The following GIT2 variants were observed in gnomAD, a reference collection of about 807,000 sequenced individuals.
GIT2 encodes the protein ARF GTPase-activating protein GIT2.
A neutral mutation model predicts 100.3 loss-of-function variants in GIT2; 32 were observed. The observed-to-expected ratio is 0.32, with a 90% CI of 0.24 to 0.43. The LOEUF is 0.43. Ranked by LOEUF, GIT2 falls within the 20% of genes least tolerant of loss-of-function variation. The pLI, the probability that GIT2 is intolerant of heterozygous loss-of-function variation, is 1.00. For synonymous variants in GIT2, 353 were observed against 364.1 expected (o/e 0.97, Z 0.35); for missense variants, 737 against 975.1 (o/e 0.76, Z 3.25).
chr12:109,934,416 T>C lies in GIT2; in HGVS notation c.2004-331A>G, dbSNP rs1208569819. Reference sequence around the variant, plus strand: ...TCATGTGTTTCATCGTCCCAATTTCTAGAAAGAGAAAGGATTTCCATGCAA... The same window carrying C: ...TCATGTGTTTCATCGTCCCAATTTCCAGAAAGAGAAAGGATTTCCATGCAA... On this transcript the variant is annotated intron_variant, in intron 18 of 19. Coordinates refer to ENST00000355312, the MANE Select transcript of GIT2 (RefSeq NM_057169.5). This position sits in a 1 kb window ranked among gnomAD's most constrained non-coding sequence, Gnocchi z 4.5. Among the ~76,000 whole-genome samples, 2 of 152,114 alleles carry C rather than the reference T, an allele frequency of 1.3e-5. No individual in the cohort carries two copies. Among genetic ancestry groups the C allele is most frequent in the Non-Finnish European group, 2.9e-5 (2 of 68,022 alleles).
intron 7 of GIT2, among the ~76,000 whole-genome samples, chr12:109,976,105 T>TACAC (rs145928011): frequency 1.0e-3 from 151 of 149,132 alleles, no homozygotes; most frequent in African/African-American, 3.3e-3. Flanking sequence ...GAAATTACTA[T>TACAC]ACACACACAC....
chr12:109,931,239 T>C lies in GIT2; in HGVS notation c.*1739A>G, dbSNP rs1395188011. The C allele has an allele frequency of 5.2e-5, 8 of 152,416 alleles. No individual in the cohort carries two copies. Among genetic ancestry groups the C allele is most frequent in the Admixed American group, 5.2e-4 (8 of 15,314 alleles). The allele number at this position is 152,416 out of a possible 1,614,324, so 9.4% of individuals were successfully genotyped here. ...TGTCTTCTTCACATGTGTGAATGACTGCTATGGGACAGAACATATGGTTAA... is the reference window on the plus strand; with the variant it reads ...TGTCTTCTTCACATGTGTGAATGACCGCTATGGGACAGAACATATGGTTAA... On this transcript the variant is annotated 3_prime_UTR_variant, in exon 20 of 20. Transcript: ENST00000355312.
At chr12:109,996,892 C>T (rs1202016285), upstream of GIT2, among the ~76,000 whole-genome samples, 2 of 151,916 alleles carry the variant, frequency 1.3e-5, no homozygotes, top group African/African-American at 2.4e-5. Flanking sequence ...GCCTGGGCAA[C>T]ATGGTGAAAC....
chr12:109,967,141 T>C (rs1288911189), intron 8 of GIT2, among the ~76,000 whole-genome samples: 1 of 151,272 alleles, frequency 6.6e-6, no homozygotes, highest in Non-Finnish European at 1.5e-5. Flanking sequence ...TGCCAACCCC[T>C]GTCATAGATA....
At position 109,934,770 on chromosome 12, in the gene GIT2, A is replaced by G. The variant is rs956381770; in HGVS notation, c.2004-685T>C. Among the ~76,000 whole-genome samples the G allele has an allele frequency of 5.9e-5, 9 of 152,190 alleles. No homozygotes were observed. The highest frequency in any genetic ancestry group is 8.8e-5 in the Non-Finnish European group (6 of 68,042). Reference sequence around the variant, plus strand: ...TCACCTTTGTAACAAGTCTAGTTTCAAAACTATTATAATTAAAACTGTCGG... The same window carrying G: ...TCACCTTTGTAACAAGTCTAGTTTCGAAACTATTATAATTAAAACTGTCGG... On this transcript the variant is annotated intron_variant, in intron 18 of 19. Coordinates refer to ENST00000355312, the MANE Select transcript of GIT2 (RefSeq NM_057169.5). The surrounding 1 kb of genome is among the most constrained non-coding windows in gnomAD (Gnocchi z 4.5).
At chr12:109,970,273 C>G (rs1883527695) in intron 7 of GIT2, among the ~76,000 whole-genome samples, 1 of 152,064 alleles carries the variant, frequency 6.6e-6, no homozygotes, top group Admixed American at 6.6e-5. Flanking sequence ...GCGGGCAGTT[C>G]ACGAGGTCAG....
intron 10 of GIT2, 115 bp downstream of exon 10, chr12:109,961,498 G>A (rs181319261): frequency 1.3e-4 from 121 of 928,396 alleles, no homozygotes; most frequent in Non-Finnish European, 1.9e-4. Context: ...AAAGGCAAAC[G>A]TCGACACTCG....
At chr12:109,990,501 G>A (rs1235756691) in intron 2 of GIT2, among the ~76,000 whole-genome samples, 1 of 152,172 alleles carries the variant, frequency 6.6e-6, no homozygotes, top group African/African-American at 2.4e-5. Context: ...TTCATTTCAA[G>A]GCATGACTCC....
At position 109,992,682 on chromosome 12, in the gene GIT2, T is replaced by C. The variant is rs146688645; in HGVS notation, c.53-922A>G. The stretch of plus-strand genomic sequence containing the variant: ...ATGAATTGGTTTGTTTGTCTGTTTG[T>C]TTGTTTTGAGACAGAGTCTCACTCT... On this transcript the variant is annotated intron_variant, in intron 1 of 19. Transcript: ENST00000355312. 6.4e-3 allele frequency among the ~76,000 whole-genome samples: 978 copies of C among 152,150 alleles called. 3 individuals carry two copies. Among genetic ancestry groups the C allele is most frequent in the African/African-American group, 0.022 (930 of 41,494 alleles).
intron 11 of GIT2, 131 bp downstream of exon 11, chr12:109,961,147 T>C (rs1188474312): frequency 3.7e-6 from 2 of 544,604 alleles, no homozygotes; most frequent in African/African-American, 3.8e-5. Context: ...TTGGGGGTTG[T>C]GTGTGTATAT....
chr12:109,965,181 G>A (rs1050818642), intron 9 of GIT2, among the ~76,000 whole-genome samples: 4 of 152,138 alleles, frequency 2.6e-5, no homozygotes, highest in African/African-American at 7.2e-5. Context: ...AACCCTACAT[G>A]GCTAAGTCAC....
chr12:109,952,808 G>A (rs1407731709), intron 13 of GIT2: 2 of 495,976 alleles, frequency 4.0e-6, no homozygotes, highest in Admixed American at 6.5e-5. Flanking sequence ...CACAGGAAAG[G>A]GACGAGGCCT....
chr12:109,963,700 G>C (rs1260144716), intron 9 of GIT2, among the ~76,000 whole-genome samples: 2 of 152,202 alleles, frequency 1.3e-5, no homozygotes, highest in Admixed American at 6.6e-5. Flanking sequence ...AGGAAAGAAA[G>C]GATGAAGGGA....
chr12:109,947,520 G>T lies in GIT2; in HGVS notation c.1393-16C>A. Reference sequence around the variant, plus strand: ...GTGTTTGAAGCTGAAAGAAATGTTTGGCAGTGGGACTGTGTTTTTTTACAG... The same window carrying T: ...GTGTTTGAAGCTGAAAGAAATGTTTTGCAGTGGGACTGTGTTTTTTTACAG... On this transcript the variant is annotated splice_polypyrimidine_tract_variant and intron_variant, in intron 14 of 19. Coordinates refer to ENST00000355312, the MANE Select transcript of GIT2 (RefSeq NM_057169.5). The surrounding 1 kb of genome is among the most constrained non-coding windows in gnomAD (Gnocchi z 4.3). 1 of 1,609,268 alleles carries T rather than the reference G, an allele frequency of 6.2e-7. No individual in the cohort carries two copies.
rs774378901 is a variant in GIT2, at chr12:109,961,566, T to C, written c.889+47A>G. 3 of 1,232,318 alleles carry C rather than the reference T, an allele frequency of 2.4e-6. No individual in the cohort carries two copies. In the African/African-American group the frequency reaches 4.4e-5, roughly 18 times the overall value. The allele number at this position is 1,232,318 out of a possible 1,614,324, so 76.3% of individuals were successfully genotyped here. On this transcript the variant is annotated intron_variant, in intron 10 of 19. Coordinates refer to ENST00000355312, the MANE Select transcript of GIT2 (RefSeq NM_057169.5). The stretch of plus-strand genomic sequence containing the variant: ...AACACTGAGCCTGGCAGCTTTTCAC[T>C]GCCCACTGATAACAGAAGCTTATTA...
intron 9 of GIT2, among the ~76,000 whole-genome samples, chr12:109,964,976 G>A (rs1468844569): frequency 6.6e-6 from 1 of 152,182 alleles, no homozygotes; most frequent in African/African-American, 2.4e-5. Context: ...GCTAAAGGGA[G>A]GTTGTGGCAC....
chr12:109,979,108 C>A (rs1885746782), intron 7 of GIT2, among the ~76,000 whole-genome samples: 1 of 152,032 alleles, frequency 6.6e-6, no homozygotes, highest in African/African-American at 2.4e-5. Flanking sequence ...GATTTAGGAA[C>A]CTGTGCTGCC....
chr12:109,957,509 ATTTT>A (rs111395877), intron 12 of GIT2, among the ~76,000 whole-genome samples: 1 of 144,142 alleles, frequency 6.9e-6, no homozygotes. Flanking sequence ...ATAAGTATGT[ATTTT>A]TTTTTTTTTT....
Position 109,947,736 on chromosome 12 carries a change from A to G in GIT2, c.1393-232T>C. 2.0e-6 allele frequency: 1 copy of G among 510,504 alleles called. No individual in the cohort carries two copies. Among genetic ancestry groups the G allele is most frequent in the Non-Finnish European group, 3.5e-6 (1 of 287,030 alleles). The allele number at this position is 510,504 out of a possible 1,614,324, so 31.6% of individuals were successfully genotyped here. A position where few individuals can be genotyped will look rare whatever the true frequency, so the allele number is the denominator to read the frequency against. The stretch of plus-strand genomic sequence containing the variant: ...AAATAGCTTCATTTCTGAATGTGGA[A>G]AAGTTGTGGTTTGGACTTCCTCAAA... On this transcript the variant is annotated intron_variant, in intron 14 of 19. Coordinates refer to ENST00000355312, the MANE Select transcript of GIT2 (RefSeq NM_057169.5). This position sits in a 1 kb window ranked among gnomAD's most constrained non-coding sequence, Gnocchi z 4.3.
Sources: allele counts gnomAD v4.1 joint callset (sites outside exome capture counted in the v4.1 genomes callset), GRCh38; gene constraint gnomAD v4.1.1; non-coding constraint Gnocchi (gnomAD v3.1); transcripts MANE v1.5; gene names NCBI Gene and HGNC (gene_info 2026-07-23, HGNC 2026-07-21).